The following PRKAA1 variants were observed in gnomAD, a reference collection of about 807,000 sequenced individuals.
PRKAA1 encodes the protein 5'-AMP-activated protein kinase catalytic subunit alpha-1.
A neutral mutation model predicts 56.9 loss-of-function variants in PRKAA1; 23 were observed. That is an observed-to-expected ratio of 0.40 (90% confidence interval 0.29 to 0.57). PRKAA1 has a LOEUF of 0.57. PRKAA1 is among the 20% of genes least tolerant of loss of function. PRKAA1 has a pLI of 0.39. For missense variants in PRKAA1, 413 were observed against 679.7 expected, an observed-to-expected ratio of 0.61 and a Z score of 4.36; for synonymous variants, 226 against 227.0, an observed-to-expected ratio of 1.00 and a Z score of 0.04.
At chr5:40,766,788 G>C (rs954478427) in intron 6 of PRKAA1, among the ~76,000 whole-genome samples, 1 of 150,068 alleles carries the variant, frequency 6.7e-6, no homozygotes, top group South Asian at 2.2e-4. Flanking sequence ...CTTGAGGCCA[G>C]GAGTTCAAGA....
At chr5:40,792,476 A>G (rs541353581) in intron 1 of PRKAA1, among the ~76,000 whole-genome samples, 1 of 152,332 alleles carries the variant, frequency 6.6e-6, no homozygotes, top group South Asian at 2.1e-4. Context: ...GTTAATTTTA[A>G]TAAATGCTGT....
At chr5:40,780,014 G>A (rs1744199305) in intron 1 of PRKAA1, among the ~76,000 whole-genome samples, 1 of 152,186 alleles carries the variant, frequency 6.6e-6, no homozygotes, top group Non-Finnish European at 1.5e-5. Flanking sequence ...CACTATGTGT[G>A]AAAGGGCAGA....
At chr5:40,791,686 G>A (rs1205530623) in intron 1 of PRKAA1, among the ~76,000 whole-genome samples, 1 of 152,220 alleles carries the variant, frequency 6.6e-6, no homozygotes, top group East Asian at 1.9e-4. Context: ...GCTTAATCCT[G>A]GGGAAGGGTG....
At position 40,772,004 on chromosome 5, in the gene PRKAA1, G is replaced by A. The variant is rs1447792058; in HGVS notation, c.364-141C>T. ...CACTTATGAGATACTTTTGACATGA[G>A]GAGGAGATACCTGCAGCACAAAACA... On this transcript the variant is annotated intron_variant, in intron 3 of 8. Transcript: ENST00000397128. 7.7e-6 allele frequency: 8 copies of A among 1,040,874 alleles called. No homozygotes were observed. The Admixed American group carries it at 2.1e-4, about 27-fold the overall frequency. The allele number at this position is 1,040,874 out of a possible 1,614,324, so 64.5% of individuals were successfully genotyped here.
Position 40,769,496 on chromosome 5 carries a change from T to G in PRKAA1, c.516A>C (p.Ser172=). ...AAAATTCACCATCTGACATCATGTTTGAAAGACCTGAAAGTGCACAAAATC... is the reference window on the plus strand; with the variant it reads ...AAAATTCACCATCTGACATCATGTTGGAAAGACCTGAAAGTGCACAAAATC... The part of the protein sequence containing the change: ...MNAKIADFGL[S]NMMSDGEFLR... Residue 172 remains serine (S), a synonymous_variant, in exon 5 of 9, where the codon TCA becomes TCC. Transcript: ENST00000397128. 6.2e-7 allele frequency: 1 copy of G among 1,604,638 alleles called. No homozygotes were observed. Among genetic ancestry groups the G allele is most frequent in the Non-Finnish European group, 8.5e-7 (1 of 1,174,768 alleles).
chr5:40,768,671 G>A lies in PRKAA1; in HGVS notation c.596+745C>T, dbSNP rs1008329822. ...AAATAGAAAATACTACAGTATTTCTGCATTGAGTTAATCAAGATGCAAAAC... is the reference window on the plus strand; with the variant it reads ...AAATAGAAAATACTACAGTATTTCTACATTGAGTTAATCAAGATGCAAAAC... On this transcript the variant is annotated intron_variant, in intron 5 of 8. Transcript: ENST00000397128. 21 of 1,237,062 alleles carry A rather than the reference G, an allele frequency of 1.7e-5. No individual in the cohort carries two copies. The African/African-American group carries it at 3.1e-4, about 18-fold the overall frequency. The allele number at this position is 1,237,062 out of a possible 1,614,324, so 76.6% of individuals were successfully genotyped here. A position where few individuals can be genotyped will look rare whatever the true frequency, so the allele number is the denominator to read the frequency against.
At chr5:40,792,625 A>G (rs373261317) in intron 1 of PRKAA1, among the ~76,000 whole-genome samples, 8 of 152,230 alleles carry the variant, frequency 5.3e-5, no homozygotes, top group Non-Finnish European at 1.2e-4. Context: ...GTCTAACCTT[A>G]TATTTTTAAG....
rs752828274 is a variant in PRKAA1 at position 40,798,067 on chromosome 5, C to T, written c.123G>A (p.Val41=). The part of the protein sequence containing the change: ...DTLGVGTFGK[V]KVGKHELTGH... ...CTAGTCCCGCGGGGTTCTCACCCTTCACTTTGCCGAAGGTGCCGACCCCCA... is the reference window on the plus strand; with the variant it reads ...CTAGTCCCGCGGGGTTCTCACCCTTTACTTTGCCGAAGGTGCCGACCCCCA... The change falls in exon 1 of 9, where the codon GTG becomes GTA. Residue 41 remains valine (V), a synonymous_variant. Transcript: ENST00000397128. The T allele has an allele frequency of 6.2e-7, 1 of 1,609,620 alleles. No individual in the cohort carries two copies. Among genetic ancestry groups the T allele is most frequent in the Admixed American group, 1.7e-5 (1 of 59,814 alleles).
At position 40,760,684 on chromosome 5, in the gene PRKAA1, A is replaced by G. The variant is rs896265355; in HGVS notation, c.*2094T>C. On this transcript the variant is annotated 3_prime_UTR_variant, in exon 9 of 9. Transcript: ENST00000397128. ...GAACAAGCCCTGGACAAAAAGCAGC[A>G]AGATTTTTCTTTTGAATTCAGTGCA... 7.9e-5 allele frequency: 12 copies of G among 152,762 alleles called. No homozygotes were observed. The highest frequency in any genetic ancestry group is 2.7e-4 in the African/African-American group (11 of 41,464). 9.5% of individuals were successfully genotyped at this position (152,762 alleles called of 1,614,324 possible).
chr5:40,789,815 G>A (rs964035471), intron 1 of PRKAA1, among the ~76,000 whole-genome samples: 1 of 152,206 alleles, frequency 6.6e-6, no homozygotes, highest in Non-Finnish European at 1.5e-5. Context: ...AAATATTTGA[G>A]GAGATGGATA....
Position 40,773,189 on chromosome 5 carries a change from C to T in PRKAA1, c.364-1326G>A, listed in dbSNP as rs112560524. Among the ~76,000 whole-genome samples, 938 of 152,114 alleles carry T rather than the reference C, an allele frequency of 6.2e-3. 8 individuals carry two copies. The highest frequency in any genetic ancestry group is 0.021 in the African/African-American group (887 of 41,502). ...TACAAATCAGTAATTTATTTTGAAA[C>T]AAGAAACTATTATAAGATACCATTC... is the stretch of plus-strand genomic sequence containing the variant. On this transcript the variant is annotated intron_variant, in intron 3 of 8. Transcript: ENST00000397128.
At chr5:40,768,266 G>A (rs1474029972) in intron 5 of PRKAA1, 1 of 268,560 alleles carries the variant, frequency 3.7e-6, no homozygotes, top group Non-Finnish European at 5.7e-6. Flanking sequence ...TTTATGTACT[G>A]CTGAACTGAT....
intron 2 of PRKAA1, among the ~76,000 whole-genome samples, chr5:40,775,942 G>A (rs1178176283): frequency 6.6e-6 from 1 of 152,178 alleles, no homozygotes; most frequent in African/African-American, 2.4e-5. Flanking sequence ...ATAGGATGTA[G>A]AGTCAAAGGT....
At chr5:40,772,179 T>G (rs1743777139) in intron 3 of PRKAA1, among the ~76,000 whole-genome samples, 1 of 152,254 alleles carries the variant, frequency 6.6e-6, no homozygotes, top group African/African-American at 2.4e-5. Context: ...TTTGGCATAT[T>G]TCCTTTTATA....
intron 1 of PRKAA1, among the ~76,000 whole-genome samples, chr5:40,790,764 T>G (rs1284556292): frequency 2.0e-5 from 3 of 152,130 alleles, no homozygotes; most frequent in African/African-American, 7.2e-5. Context: ...GGTCTCAATA[T>G]CTTGAGCTCG....
chr5:40,764,551 A>C lies in PRKAA1; in HGVS notation c.1398T>G (p.Asp466Glu), dbSNP rs1743333332. 6.2e-7 allele frequency: 1 copy of C among 1,612,522 alleles called. No individual in the cohort carries two copies. Among genetic ancestry groups the C allele is most frequent in the Non-Finnish European group, 8.5e-7 (1 of 1,179,082 alleles). The change falls in exon 8 of 9, where the codon GAT becomes GAG. Residue 466 changes from aspartate (D) to glutamate (E), a missense_variant. By Grantham distance (45) the Asp-to-Glu change is conservative. This residue lies in a region of PRKAA1 where 139 missense variants were observed against 171.5 expected (regional missense o/e 0.81). Transcript: ENST00000397128. ...GGAAATCCAGTAGATAAGTTCTACT[A>C]TCCACTTGGTATAACTGTAGACTCA... is the stretch of plus-strand genomic sequence containing the variant. ...SKMSLQLYQV[D>E]SRTYLLDFRS...
rs1743101183 is a variant in PRKAA1, at chr5:40,759,980, C to CA, written c.*2797_*2798insT. 1.3e-5 allele frequency: 2 copies of CA among 152,764 alleles called. No individual in the cohort carries two copies. Among genetic ancestry groups the CA allele is most frequent in the African/African-American group, 4.8e-5 (2 of 41,530 alleles). The allele number at this position is 152,764 out of a possible 1,614,324, so 9.5% of individuals were successfully genotyped here. A position where few individuals can be genotyped will look rare whatever the true frequency, so the allele number is the denominator to read the frequency against. ...TTACATATCAGTAAAATCTGTTATA[C>CA]TTAAAACTATGTATACAGTACATTT... On this transcript the variant is annotated 3_prime_UTR_variant, in exon 9 of 9. Transcript: ENST00000397128.
At position 40,761,046 on chromosome 5, in the gene PRKAA1, A is replaced by G. The variant is rs1005366492; in HGVS notation, c.*1732T>C. The G allele has an allele frequency of 6.6e-5, 10 of 152,278 alleles. No individual in the cohort carries two copies. The highest frequency in any genetic ancestry group is 2.4e-4 in the African/African-American group (10 of 41,448). 9.4% of individuals were successfully genotyped at this position (152,278 alleles called of 1,614,324 possible). A position where few individuals can be genotyped will look rare whatever the true frequency, so the allele number is the denominator to read the frequency against. On this transcript the variant is annotated 3_prime_UTR_variant, in exon 9 of 9. Coordinates refer to ENST00000397128, the MANE Select transcript of PRKAA1 (RefSeq NM_006251.6). The stretch of plus-strand genomic sequence containing the variant: ...ACAAAAAAAAATATCAGTGTAAATC[A>G]GAAATCTTAGGAAAATCCAGTATCT...
At chr5:40,785,671 A>G (rs1276975674) in intron 1 of PRKAA1, among the ~76,000 whole-genome samples, 1 of 152,192 alleles carries the variant, frequency 6.6e-6, no homozygotes, top group Non-Finnish European at 1.5e-5. Flanking sequence ...CGTCCCCACA[A>G]AATCTATGTC....
Sources: allele counts gnomAD v4.1 joint callset (sites outside exome capture counted in the v4.1 genomes callset), GRCh38; gene constraint gnomAD v4.1.1; regional missense constraint gnomAD v4.1.1; transcripts MANE v1.5; gene names NCBI Gene and HGNC (gene_info 2026-07-23, HGNC 2026-07-21).